The following KCNN2 variants were observed in gnomAD, a reference collection of about 807,000 sequenced individuals.
The protein encoded by KCNN2 is potassium calcium-activated channel subfamily N member 2.
A neutral mutation model predicts 55.5 loss-of-function variants in KCNN2; 24 were observed. The ratio of observed to expected loss-of-function variants is 0.43; its 90% confidence interval spans 0.31 to 0.61. The LOEUF is 0.61. Ranked by LOEUF, KCNN2 falls within the 20% of genes least tolerant of loss-of-function variation. KCNN2 has a pLI of 0.08. For missense variants in KCNN2, 754 were observed against 853.6 expected (o/e 0.88, Z 1.45); for synonymous variants, 431 against 336.1 (o/e 1.28, Z -3.09).
At chr5:114,237,256 T>TCACACACACACACACACA (rs10643853) in intron 2 of KCNN2, among the ~76,000 whole-genome samples, 1 of 138,510 alleles carries the variant, frequency 7.2e-6, no homozygotes, top group Non-Finnish European at 1.5e-5. Flanking sequence ...TTGTCAAAAT[T>TCACACACACACACACACA]CACACACACA....
At chr5:114,372,885 C>G (rs1366504492) in intron 2 of KCNN2, among the ~76,000 whole-genome samples, 1 of 151,870 alleles carries the variant, frequency 6.6e-6, no homozygotes, top group East Asian at 1.9e-4. Context: ...ATTATTTTCC[C>G]TATTTTGGAC....
At chr5:114,293,021 T>TACC (rs1755929148) in intron 2 of KCNN2, among the ~76,000 whole-genome samples, 1 of 152,174 alleles carries the variant, frequency 6.6e-6, no homozygotes, top group Non-Finnish European at 1.5e-5. Flanking sequence ...AGAATGCTTG[T>TACC]AATTTTTGCA....
intron 1 of KCNN2, among the ~76,000 whole-genome samples, chr5:114,120,912 T>C (rs994934576): frequency 3.9e-5 from 6 of 152,160 alleles, no homozygotes; most frequent in South Asian, 4.1e-4. Context: ...CTTAAAAATA[T>C]GAGCTGCTGT....
At chr5:114,211,644 A>G (rs1753887902) in intron 1 of KCNN2, among the ~76,000 whole-genome samples, 1 of 152,054 alleles carries the variant, frequency 6.6e-6, no homozygotes, top group South Asian at 2.1e-4. Context: ...TAATCTATAT[A>G]CCAAAACCGA....
intron 2 of KCNN2, among the ~76,000 whole-genome samples, chr5:114,266,299 CA>C: frequency 6.6e-6 from 1 of 152,230 alleles, no homozygotes; most frequent in South Asian, 2.1e-4. Context: ...AGGGAAGCCA[CA>C]AGTGTCTGTT....
At chr5:114,150,156 C>A (rs575910685) in intron 1 of KCNN2, among the ~76,000 whole-genome samples, 1 of 152,314 alleles carries the variant, frequency 6.6e-6, no homozygotes, top group South Asian at 2.1e-4. Context: ...CTGCGTGCAA[C>A]TTTGTATTTA....
Position 114,496,411 on chromosome 5 carries a change from A to C in KCNN2, c.*229A>C. On this transcript the variant is annotated 3_prime_UTR_variant, in exon 8 of 8. Transcript: ENST00000673685. ...TTGCTATATAGATTGTTCCTCCTGTAATTTCACTAACTTTTTATTCATGCA... is the reference window on the plus strand; with the variant it reads ...TTGCTATATAGATTGTTCCTCCTGTCATTTCACTAACTTTTTATTCATGCA... 2.2e-6 allele frequency: 1 copy of C among 446,216 alleles called. No homozygotes were observed. The highest frequency in any genetic ancestry group is 3.8e-5 in the Admixed American group (1 of 26,032). 27.6% of individuals were successfully genotyped at this position (446,216 alleles called of 1,614,324 possible). A position where few individuals can be genotyped will look rare whatever the true frequency, so the allele number is the denominator to read the frequency against.
intron 1 of KCNN2, among the ~76,000 whole-genome samples, chr5:114,219,876 A>G (rs917701825): frequency 1.3e-5 from 2 of 152,200 alleles, no homozygotes; most frequent in Admixed American, 1.3e-4. Flanking sequence ...TTGGGATAGC[A>G]TCTATAGATA....
At chr5:114,156,731 A>G (rs1249896508) in intron 1 of KCNN2, among the ~76,000 whole-genome samples, 2 of 152,036 alleles carry the variant, frequency 1.3e-5, no homozygotes, top group Non-Finnish European at 2.9e-5. Flanking sequence ...TTGATTTTGT[A>G]TCCTAAGACT....
At chr5:114,144,778 G>T (rs955883739) in intron 1 of KCNN2, among the ~76,000 whole-genome samples, 1 of 143,460 alleles carries the variant, frequency 7.0e-6, no homozygotes, top group African/African-American at 2.6e-5. Context: ...TATAGACAGT[G>T]TATATATTTT....
chr5:114,090,140 G>A (rs1751105648), intron 1 of KCNN2, among the ~76,000 whole-genome samples: 1 of 152,000 alleles, frequency 6.6e-6, no homozygotes, highest in African/African-American at 2.4e-5. Context: ...TAGAGCAAAG[G>A]CAATCGTATG....
At chr5:114,288,312 G>A (rs1755798932) in intron 2 of KCNN2, among the ~76,000 whole-genome samples, 1 of 152,198 alleles carries the variant, frequency 6.6e-6, no homozygotes, top group Admixed American at 6.5e-5. Context: ...GTAATTGTTT[G>A]AATACCACTT....
At chr5:114,211,769 T>G (rs1449616871) in intron 1 of KCNN2, among the ~76,000 whole-genome samples, 2 of 152,092 alleles carry the variant, frequency 1.3e-5, no homozygotes, top group Admixed American at 1.3e-4. Context: ...TGCTATTTTC[T>G]ATATAGACAG....
intron 1 of KCNN2, among the ~76,000 whole-genome samples, chr5:114,171,447 A>C (rs1225453679): frequency 6.6e-6 from 1 of 151,928 alleles, no homozygotes; most frequent in Admixed American, 6.6e-5. Context: ...GAGAAATTTA[A>C]TGAGTTTTAC....
intron 2 of KCNN2, among the ~76,000 whole-genome samples, chr5:114,269,440 C>G (rs924204934): frequency 6.6e-6 from 1 of 151,536 alleles, no homozygotes; most frequent in East Asian, 1.9e-4. Flanking sequence ...GTTCTTAGCT[C>G]AAACTCTACT....
Position 114,279,569 on chromosome 5 carries a change from C to T in KCNN2, c.-185+58004C>T, listed in dbSNP as rs549775974. Among the ~76,000 whole-genome samples the T allele has an allele frequency of 2.4e-4, 37 of 152,196 alleles. No homozygotes were observed. The South Asian group carries it at 3.9e-3, about 16-fold the overall frequency. ...TGTGGTGTTTGGTTTTCTGTCCTTG[C>T]GATAGTTTGCTCAGAATGATGGTTT... On this transcript the variant is annotated intron_variant, in intron 2 of 10. Coordinates refer to the KCNN2 transcript ENST00000512097.
intron 1 of KCNN2, among the ~76,000 whole-genome samples, chr5:114,202,227 T>A (rs1423570629): frequency 6.6e-6 from 1 of 151,880 alleles, no homozygotes; most frequent in African/African-American, 2.4e-5. Context: ...TGGAGCAACA[T>A]CTCTGTGCAA....
intron 1 of KCNN2, among the ~76,000 whole-genome samples, chr5:114,073,943 A>G (rs1750628214): frequency 6.6e-6 from 1 of 152,194 alleles, no homozygotes; most frequent in Non-Finnish European, 1.5e-5. Flanking sequence ...ACACAGTGAC[A>G]TAGGGTTTCA....
At chr5:114,152,934 G>GGAGT in intron 1 of KCNN2, among the ~76,000 whole-genome samples, 1 of 152,280 alleles carries the variant, frequency 6.6e-6, no homozygotes, top group East Asian at 1.9e-4. Flanking sequence ...AAGCCTTGAT[G>GGAGT]GAGTAATCTG....
Sources: gnomAD v4.1 joint callset for allele counts (sites outside exome capture counted in the v4.1 genomes callset) on GRCh38, gnomAD v4.1.1 for gene constraint, MANE v1.5 for transcripts, NCBI Gene and HGNC (gene_info 2026-07-23, HGNC 2026-07-21) for gene names.